The following UXS1 variants were observed in gnomAD, a reference collection of about 807,000 sequenced individuals.
The protein encoded by UXS1 is UDP-glucuronic acid decarboxylase 1.
In UXS1, 33 loss-of-function variants were observed where a neutral mutation model predicts 62.6. The ratio of observed to expected loss-of-function variants is 0.53; its 90% CI spans 0.40 to 0.70. The LOEUF is 0.70. Ranked by LOEUF, UXS1 falls within the 30% of genes least tolerant of loss-of-function variation. The pLI is 0.00. For synonymous variants in UXS1, 213 were observed against 206.8 expected (o/e 1.03, Z -0.26); for missense variants, 434 against 556.3 (o/e 0.78, Z 2.21).
chr2:106,141,934 T>C lies in UXS1; in HGVS notation c.472+3256A>G, dbSNP rs530542248. ...CACCCAGGCTGGAGTGCAACGGCAC[T>C]ATCTTGGCTCACTGCAACCTCCACA... On this transcript the variant is annotated intron_variant, in intron 6 of 14. Coordinates refer to ENST00000283148, the MANE Select transcript of UXS1 (RefSeq NM_001253875.2). 6.8e-4 allele frequency among the ~76,000 whole-genome samples: 103 copies of C among 151,302 alleles called. 1 individual carries two copies. The highest frequency in any genetic ancestry group is 2.0e-3 in the Admixed American group (31 of 15,182).
chr2:106,146,032 G>A (rs6543377), intron 5 of UXS1, among the ~76,000 whole-genome samples: 148,249 of 152,326 alleles, frequency 0.97, 72,244 homozygotes, highest in South Asian at 1. Flanking sequence ...GGGTCTTGAC[G>A]GTAACTCAGT....
At chr2:106,141,864 TG>T (rs1396072472) in intron 6 of UXS1, among the ~76,000 whole-genome samples, 1 of 74,986 alleles carries the variant, frequency 1.3e-5, no homozygotes, top group African/African-American at 4.3e-5. Context: ...TTAGCTTCAG[TG>T]TTTTTTTTTT....
chr2:106,126,307 T>C (rs944601034), intron 7 of UXS1, among the ~76,000 whole-genome samples: 1 of 152,178 alleles, frequency 6.6e-6, no homozygotes, highest in Non-Finnish European at 1.5e-5. Context: ...TCCAAACTCA[T>C]TCACAGAGTC....
intron 5 of UXS1, among the ~76,000 whole-genome samples, chr2:106,149,284 A>G (rs1484641803): frequency 2.0e-5 from 3 of 152,186 alleles, no homozygotes; most frequent in Non-Finnish European, 2.9e-5. Context: ...CCATGTGCAC[A>G]TAATAAAATT....
intron 7 of UXS1, among the ~76,000 whole-genome samples, chr2:106,126,896 A>G (rs984203194): frequency 3.9e-5 from 6 of 152,116 alleles, no homozygotes; most frequent in African/African-American, 1.4e-4. Context: ...GCCCTTCTAC[A>G]GCCTCTCCTC....
At chr2:106,188,744 C>T (rs1355088287) in intron 1 of UXS1, among the ~76,000 whole-genome samples, 1 of 152,216 alleles carries the variant, frequency 6.6e-6, no homozygotes, top group Non-Finnish European at 1.5e-5. Context: ...AAGGCAGTGC[C>T]CATCCCTACA....
At chr2:106,139,155 T>A (rs1158221592) in intron 6 of UXS1, among the ~76,000 whole-genome samples, 1 of 151,474 alleles carries the variant, frequency 6.6e-6, no homozygotes, top group African/African-American at 2.4e-5. Flanking sequence ...CAAGCTGAGG[T>A]GGGGAGAGGA....
intron 3 of UXS1, 58 bp downstream of exon 3, chr2:106,164,678 G>T (rs1021224767): frequency 4.1e-5 from 53 of 1,300,508 alleles, no homozygotes; most frequent in Non-Finnish European, 5.4e-5. Context: ...ACGAGCAAAG[G>T]AAGTAAAATT....
At chr2:106,146,138 T>C (rs1378895554) in intron 5 of UXS1, among the ~76,000 whole-genome samples, 1 of 152,198 alleles carries the variant, frequency 6.6e-6, no homozygotes, top group African/African-American at 2.4e-5. Flanking sequence ...AATTAAATGG[T>C]GTAACTGGAG....
At chr2:106,190,920 G>T (rs1684884941) in intron 1 of UXS1, among the ~76,000 whole-genome samples, 1 of 152,026 alleles carries the variant, frequency 6.6e-6, no homozygotes, top group Non-Finnish European at 1.5e-5. Flanking sequence ...AGGTTGGCCT[G>T]ATTTTTGATT....
At chr2:106,160,252 T>C (rs1374012062) in intron 4 of UXS1, 1 of 152,248 alleles carries the variant, frequency 6.6e-6, no homozygotes, top group African/African-American at 2.4e-5. Context: ...GCTCCAATTG[T>C]CCTCATTTCT....
At chr2:106,139,082 C>A (rs1222828529) in intron 6 of UXS1, among the ~76,000 whole-genome samples, 1 of 152,022 alleles carries the variant, frequency 6.6e-6, no homozygotes, top group Non-Finnish European at 1.5e-5. Context: ...GGACAAAGGC[C>A]CTGGGAACAT....
intron 9 of UXS1, among the ~76,000 whole-genome samples, chr2:106,113,040 T>A (rs1678748696): frequency 6.6e-6 from 1 of 152,184 alleles, no homozygotes; most frequent in African/African-American, 2.4e-5. Context: ...AGCCAAACAG[T>A]ACAAGGAGGA....
chr2:106,184,971 G>T (rs1326268031), intron 1 of UXS1, among the ~76,000 whole-genome samples: 1 of 152,122 alleles, frequency 6.6e-6, no homozygotes, highest in Non-Finnish European at 1.5e-5. Context: ...AACACTTCAG[G>T]CATGTTCATC....
chr2:106,107,418 G>GT, intron 10 of UXS1, among the ~76,000 whole-genome samples: 1 of 152,346 alleles, frequency 6.6e-6, no homozygotes, highest in Admixed American at 6.5e-5. Context: ...GAGGAGCCAT[G>GT]GAAGAGCACA....
rs993003081 is a variant in UXS1 at position 106,108,988 on chromosome 2, C to A, written c.879+3658G>T. On this transcript the variant is annotated intron_variant, in intron 10 of 14. Transcript: ENST00000283148. ...TCGACATCTGACATTCCTCACCCCC[C>A]ATATCCCCTAGAGTGTGTCCGACCA... 5.9e-5 allele frequency among the ~76,000 whole-genome samples: 9 copies of A among 152,224 alleles called. No individual in the cohort carries two copies. The South Asian group carries it at 1.2e-3, about 21-fold the overall frequency.
chr2:106,191,846 T>G (rs1425987412), intron 1 of UXS1, among the ~76,000 whole-genome samples: 1 of 152,248 alleles, frequency 6.6e-6, no homozygotes, highest in African/African-American at 2.4e-5. Context: ...ACTCAGGAGT[T>G]CCTGGCATAG....
At chr2:106,120,412 C>T (rs1679429274) in intron 9 of UXS1, among the ~76,000 whole-genome samples, 1 of 152,190 alleles carries the variant, frequency 6.6e-6, no homozygotes, top group Non-Finnish European at 1.5e-5. Context: ...ATAATGACTG[C>T]ACAGTGGGAA....
intron 7 of UXS1, among the ~76,000 whole-genome samples, chr2:106,126,425 G>T (rs971472851): frequency 6.6e-6 from 1 of 152,122 alleles, no homozygotes; most frequent in Non-Finnish European, 1.5e-5. Context: ...TACACTAGAG[G>T]GGGGCTGTGC....
Sources: gnomAD v4.1 joint callset for allele counts (sites outside exome capture counted in the v4.1 genomes callset) on GRCh38, gnomAD v4.1.1 for gene constraint, MANE v1.5 for transcripts, NCBI Gene and HGNC (gene_info 2026-07-23, HGNC 2026-07-21) for gene names.